Variants in NCKAP5 observed in about 807,000 individuals in gnomAD.
NCKAP5 encodes the protein NCK associated protein 5.
A neutral mutation model predicts 167.0 loss-of-function variants in NCKAP5; 92 were observed. That is an observed-to-expected ratio of 0.55 (90% CI 0.47 to 0.66). The LOEUF (loss-of-function observed/expected upper bound fraction) is 0.66, where lower values mean the gene tolerates loss of function less well. NCKAP5 is among the 30% of genes least tolerant of loss of function. The pLI is 0.00. For synonymous variants in NCKAP5, 891 were observed against 877.4 expected, an observed-to-expected ratio of 1.02 and a Z score of -0.27; for missense variants, 2,378 against 2,315.0, an observed-to-expected ratio of 1.03 and a Z score of -0.56.
intron 6 of NCKAP5, among the ~76,000 whole-genome samples, chr2:133,029,981 C>T (rs1217945100): frequency 6.6e-6 from 1 of 152,150 alleles, no homozygotes; most frequent in African/African-American, 2.4e-5. Flanking sequence ...CTGCCCAAAT[C>T]AAGAAAATCC....
intron 3 of NCKAP5, among the ~76,000 whole-genome samples, chr2:133,325,139 G>A (rs72846333): frequency 4.6e-5 from 7 of 152,288 alleles, no homozygotes; most frequent in South Asian, 2.1e-4. Context: ...CATCACTGCC[G>A]TATTCAATCT....
At chr2:133,669,070 A>G in the NCKAP5 span, among the ~76,000 whole-genome samples, 2 of 152,152 alleles carry the variant, frequency 1.3e-5, no homozygotes, top group African/African-American at 4.8e-5. Flanking sequence ...ATTCTATTTA[A>G]CATTATAATC....
chr2:133,130,157 C>A (rs761177276), intron 5 of NCKAP5, 46 bp from the exon 6 acceptor site: 1 of 1,567,562 alleles, frequency 6.4e-7, no homozygotes, highest in East Asian at 2.3e-5. Context: ...GTGTTTATGA[C>A]AAAAATAAGA....
intron 6 of NCKAP5, among the ~76,000 whole-genome samples, chr2:133,100,348 G>A (rs144996622): frequency 2.0e-5 from 3 of 152,226 alleles, no homozygotes; most frequent in Non-Finnish European, 4.4e-5. Flanking sequence ...TTGCTACTCT[G>A]CATCAAATAT....
intron 12 of NCKAP5, among the ~76,000 whole-genome samples, chr2:132,795,820 G>GAAAAAAAAACAAAAA (rs1684538088): frequency 1.2e-5 from 1 of 85,016 alleles, no homozygotes; most frequent in Non-Finnish European, 2.6e-5. Flanking sequence ...CCCCGTATCA[G>GAAAAAAAAACAAAAA]AAAAAAAAAA....
At chr2:133,274,952 A>G (rs2089665858) in intron 4 of NCKAP5, among the ~76,000 whole-genome samples, 1 of 151,892 alleles carries the variant, frequency 6.6e-6, no homozygotes, top group Non-Finnish European at 1.5e-5. Context: ...AAAATTTTAA[A>G]ACTTTGTAAA....
chr2:133,011,251 C>T (rs1308951175), intron 6 of NCKAP5, among the ~76,000 whole-genome samples: 7 of 152,176 alleles, frequency 4.6e-5, no homozygotes, highest in Non-Finnish European at 1.5e-5. Context: ...CAGACCTTTG[C>T]TTTCTTTCCA....
chr2:132,809,219 C>T (rs1489612286), intron 11 of NCKAP5, among the ~76,000 whole-genome samples: 1 of 152,066 alleles, frequency 6.6e-6, no homozygotes, highest in Non-Finnish European at 1.5e-5. Flanking sequence ...GTTCCACATA[C>T]TATTGAATAG....
Position 133,022,696 on chromosome 2 carries a change from G to A in NCKAP5, c.342-28457C>T, listed in dbSNP as rs560770051. Among the ~76,000 whole-genome samples the A allele has an allele frequency of 2.8e-4, 42 of 152,284 alleles. No individual in the cohort carries two copies. In the Middle Eastern group the frequency reaches 0.014, roughly 49 times the overall value. ...CCCCTCCTCTATCCCCTCGGAAGAT[G>A]GTAATATGCTTCTAGATCTCACTGG... On this transcript the variant is annotated intron_variant, in intron 6 of 19. Coordinates refer to ENST00000409261, the MANE Select transcript of NCKAP5 (RefSeq NM_207363.3).
chr2:133,523,994 A>G (rs995511042), intron 2 of NCKAP5, among the ~76,000 whole-genome samples: 8 of 152,172 alleles, frequency 5.3e-5, no homozygotes, highest in African/African-American at 1.4e-4. Context: ...GGATCAGAGT[A>G]AAAACAGCCA....
intron 8 of NCKAP5, among the ~76,000 whole-genome samples, chr2:132,917,452 T>A (rs935463281): frequency 6.6e-6 from 1 of 152,210 alleles, no homozygotes; most frequent in Admixed American, 6.5e-5. Flanking sequence ...TAATTTTCAT[T>A]TTGTCCTTTA....
At chr2:132,831,087 T>C (rs1011558228) in intron 11 of NCKAP5, among the ~76,000 whole-genome samples, 7 of 152,214 alleles carry the variant, frequency 4.6e-5, no homozygotes, top group African/African-American at 1.7e-4. Flanking sequence ...TTTTATGTAA[T>C]AGAATATTTT....
the NCKAP5 span, among the ~76,000 whole-genome samples, chr2:133,578,189 C>G: frequency 6.6e-6 from 1 of 152,172 alleles, no homozygotes; most frequent in South Asian, 2.1e-4. Flanking sequence ...ATCTTGTTGA[C>G]TCTAGTTCCT....
chr2:133,110,908 G>A lies in NCKAP5; in HGVS notation c.341+19070C>T, dbSNP rs1021256396. ...GGGATCTGGGGAAGCCTCTCTTCCC[G>A]GCTTACAGATGGTAAATTTCTCCCT... On this transcript the variant is annotated intron_variant, in intron 6 of 19. Transcript: ENST00000409261. 4.1e-4 allele frequency among the ~76,000 whole-genome samples: 63 copies of A among 152,160 alleles called. 1 individual carries two copies. The highest frequency in any genetic ancestry group is 1.4e-3 in the African/African-American group (58 of 41,522).
At chr2:133,186,996 G>A (rs150470657) in intron 5 of NCKAP5, among the ~76,000 whole-genome samples, 1 of 151,760 alleles carries the variant, frequency 6.6e-6, no homozygotes, top group African/African-American at 2.4e-5. Flanking sequence ...TCCTCTGCAA[G>A]CTTCGGGTTT....
intron 3 of NCKAP5, among the ~76,000 whole-genome samples, chr2:133,369,552 C>G (rs529692035): frequency 6.6e-6 from 1 of 152,320 alleles, no homozygotes; most frequent in African/African-American, 2.4e-5. Flanking sequence ...TTCAAACTTT[C>G]AATTTGCAAT....
intron 3 of NCKAP5, among the ~76,000 whole-genome samples, chr2:133,346,349 TTGA>T (rs1347099873): frequency 6.6e-6 from 1 of 152,086 alleles, no homozygotes. Flanking sequence ...AGAGGAGAGA[TTGA>T]TGATGACAGA....
intron 19 of NCKAP5, among the ~76,000 whole-genome samples, chr2:132,711,746 G>C (rs1293690958): frequency 6.6e-6 from 1 of 151,994 alleles, no homozygotes; most frequent in Non-Finnish European, 1.5e-5. Flanking sequence ...CACAGAGAAT[G>C]GTATAGAAAA....
At chr2:133,473,090 T>C (rs1055087275) in intron 3 of NCKAP5, among the ~76,000 whole-genome samples, 1 of 152,118 alleles carries the variant, frequency 6.6e-6, no homozygotes, top group Non-Finnish European at 1.5e-5. Flanking sequence ...TCCAAGCACT[T>C]TGGGAGGCCA....
Sources: gnomAD v4.1 joint callset for allele counts (sites outside exome capture counted in the v4.1 genomes callset) on GRCh38, gnomAD v4.1.1 for gene constraint, MANE v1.5 for transcripts, NCBI Gene and HGNC (gene_info 2026-07-23, HGNC 2026-07-21) for gene names.